Variants in CSMD1 observed in about 807,000 individuals in gnomAD.
CSMD1 encodes the protein CUB and Sushi multiple domains 1.
In CSMD1, 213 loss-of-function variants were observed where a neutral mutation model predicts 417.5. The ratio of observed to expected loss-of-function variants is 0.51; its 90% CI spans 0.46 to 0.57. The LOEUF (loss-of-function observed/expected upper bound fraction) is 0.57. Ranked by LOEUF, CSMD1 falls within the 20% of genes least tolerant of loss-of-function variation. CSMD1 has a pLI of 0.00. For missense variants in CSMD1, 6,923 were observed against 4,529.7 expected (o/e 1.53, Z -15.17); for synonymous variants, 2,862 against 1,736.8 (o/e 1.65, Z -16.11).
At chr8:4,624,844 T>C (rs964620137) in intron 2 of CSMD1, among the ~76,000 whole-genome samples, 1 of 152,124 alleles carries the variant, frequency 6.6e-6, no homozygotes, top group East Asian at 1.9e-4. Flanking sequence ...ACACCCACCT[T>C]AGCCTTTCAA....
intron 1 of CSMD1, among the ~76,000 whole-genome samples, chr8:4,851,348 T>G (rs962141883): frequency 6.6e-6 from 1 of 152,206 alleles, no homozygotes; most frequent in East Asian, 1.9e-4. Context: ...CTTTTTAAGC[T>G]CCTTCTTTCA....
intron 1 of CSMD1, among the ~76,000 whole-genome samples, chr8:4,784,723 T>A (rs1242071507): frequency 6.6e-6 from 1 of 152,204 alleles, no homozygotes; most frequent in East Asian, 1.9e-4. Flanking sequence ...ATTGGAATGT[T>A]AATAAGAGAT....
chr8:3,561,721 G>A (rs1457339584), intron 10 of CSMD1, among the ~76,000 whole-genome samples: 4 of 152,082 alleles, frequency 2.6e-5, no homozygotes, highest in Admixed American at 6.5e-5. Flanking sequence ...ACCCCACCAC[G>A]ATGTAGTGTA....
rs181509288 is a variant in CSMD1 at position 3,514,813 on chromosome 8, C to T, written c.1345-21087G>A. Among the ~76,000 whole-genome samples the T allele has an allele frequency of 7.2e-5, 11 of 152,110 alleles. 1 individual carries two copies. The East Asian group carries it at 2.1e-3, about 29-fold the overall frequency. On this transcript the variant is annotated intron_variant, in intron 10 of 69. Transcript: ENST00000635120. ...TTAAACTGTAACTTACAGTGGGTAC[C>T]TATATTATTAACACAAACAACATAT...
intron 1 of CSMD1, among the ~76,000 whole-genome samples, chr8:4,934,027 G>T (rs1807435480): frequency 6.6e-6 from 1 of 151,814 alleles, no homozygotes; most frequent in South Asian, 2.1e-4. Context: ...TGAAGGTTTT[G>T]ATGATGAGAT....
rs78402927 is a variant in CSMD1, at chr8:4,526,666, C to A, written c.303-106601G>T. 4.2e-3 allele frequency among the ~76,000 whole-genome samples: 636 copies of A among 152,210 alleles called. 4 individuals carry two copies. The highest frequency in any genetic ancestry group is 0.015 in the African/African-American group (616 of 41,530). On this transcript the variant is annotated intron_variant, in intron 2 of 69. Transcript: ENST00000635120. Reference sequence around the variant, plus strand: ...AATTGTGTAATTTTTGCAAAATATCCTAGAAGTATTAGAAAACCAGAAACG... The same window carrying A: ...AATTGTGTAATTTTTGCAAAATATCATAGAAGTATTAGAAAACCAGAAACG...
At chr8:4,498,661 G>C (rs949941921) in intron 2 of CSMD1, among the ~76,000 whole-genome samples, 2 of 152,142 alleles carry the variant, frequency 1.3e-5, no homozygotes, top group Non-Finnish European at 2.9e-5. Context: ...TCTGCAAAGA[G>C]GGAGCTCATG....
chr8:3,302,342 G>T (rs1195077778), intron 25 of CSMD1, among the ~76,000 whole-genome samples: 1 of 152,026 alleles, frequency 6.6e-6, no homozygotes, highest in Non-Finnish European at 1.5e-5. Flanking sequence ...TCTCATCACA[G>T]CATCTCCTCC....
intron 8 of CSMD1, among the ~76,000 whole-genome samples, chr8:3,596,088 A>G (rs1563184218): frequency 6.6e-6 from 1 of 152,218 alleles, no homozygotes; most frequent in Non-Finnish European, 1.5e-5. Context: ...TTCGAACTCT[A>G]GACCAAAAGG....
Position 3,587,625 on chromosome 8 carries a change from C to G in CSMD1, c.1098-1365G>C, listed in dbSNP as rs1800662413. Among the ~76,000 whole-genome samples, 3 of 152,208 alleles carry G rather than the reference C, an allele frequency of 2.0e-5. No individual in the cohort carries two copies. The South Asian group carries it at 6.3e-4, about 32-fold the overall frequency. On this transcript the variant is annotated intron_variant, in intron 8 of 69. Transcript: ENST00000635120. ...CATCCCCCACGGCATCTATGTAACA[C>G]TCTCTAGGGATTGCCATGGATGTCG...
At chr8:3,526,127 A>G (rs948733365) in intron 10 of CSMD1, among the ~76,000 whole-genome samples, 1 of 152,220 alleles carries the variant, frequency 6.6e-6, no homozygotes, top group African/African-American at 2.4e-5. Flanking sequence ...CATTCTGTTT[A>G]GAAATTGAAA....
intron 3 of CSMD1, among the ~76,000 whole-genome samples, chr8:4,315,021 G>T (rs1563439942): frequency 6.6e-6 from 1 of 152,086 alleles, no homozygotes; most frequent in Non-Finnish European, 1.5e-5. Context: ...GAGAAAAGAG[G>T]TCCCTCTTCT....
intron 3 of CSMD1, among the ~76,000 whole-genome samples, chr8:4,274,965 G>C (rs1585139570): frequency 6.6e-6 from 1 of 152,150 alleles, no homozygotes; most frequent in Admixed American, 6.6e-5. Context: ...AAACATGCTT[G>C]TAGCTGAGCA....
At chr8:4,904,733 GCA>G (rs1311467413) in intron 1 of CSMD1, among the ~76,000 whole-genome samples, 1 of 152,032 alleles carries the variant, frequency 6.6e-6, no homozygotes, top group Non-Finnish European at 1.5e-5. Context: ...TGATCTTAAA[GCA>G]AAATTAAAAA....
chr8:3,792,899 C>T (rs2720780), intron 5 of CSMD1, among the ~76,000 whole-genome samples: 152,033 of 152,326 alleles, frequency 1, 75,871 homozygotes, highest in Non-Finnish European at 1. Flanking sequence ...ATCTAACCTA[C>T]CTGAGATTTA....
At chr8:4,791,961 A>C (rs927810185) in intron 1 of CSMD1, among the ~76,000 whole-genome samples, 5 of 151,686 alleles carry the variant, frequency 3.3e-5, no homozygotes, top group Non-Finnish European at 7.3e-5. Flanking sequence ...TTTTAAATAC[A>C]AGATTGTTTA....
chr8:4,264,945 T>C (rs947549020), intron 3 of CSMD1, among the ~76,000 whole-genome samples: 1 of 152,170 alleles, frequency 6.6e-6, no homozygotes, highest in Non-Finnish European at 1.5e-5. Flanking sequence ...TTGAATCAAA[T>C]ATTTCGAACA....
At chr8:3,548,665 C>CAG (rs1231117232) in intron 10 of CSMD1, among the ~76,000 whole-genome samples, 14 of 140,176 alleles carry the variant, frequency 1.0e-4, no homozygotes, top group African/African-American at 3.3e-4. Flanking sequence ...ATCATACACA[C>CAG]ACACACACAC....
chr8:3,116,577 T>C (rs1443732274), intron 42 of CSMD1, among the ~76,000 whole-genome samples: 1 of 152,178 alleles, frequency 6.6e-6, no homozygotes, highest in Non-Finnish European at 1.5e-5. Context: ...TTCTAGATGG[T>C]GTTATATACC....
Sources: allele counts gnomAD v4.1 joint callset (sites outside exome capture counted in the v4.1 genomes callset), GRCh38; gene constraint gnomAD v4.1.1; transcripts MANE v1.5; gene names NCBI Gene and HGNC (gene_info 2026-07-23, HGNC 2026-07-21).